Variants in UBAC2 observed in about 807,000 individuals in gnomAD.
The protein encoded by UBAC2 is ubiquitin-associated domain-containing protein 2.
Under a neutral mutation model 44.0 loss-of-function variants are expected in UBAC2, and 26 were observed. That is an observed-to-expected ratio of 0.59 (90% CI 0.43 to 0.82). The LOEUF (loss-of-function observed/expected upper bound fraction) is 0.82. Ranked by LOEUF, UBAC2 falls within the 40% of genes least tolerant of loss-of-function variation. UBAC2 has a pLI of 0.00. For synonymous variants in UBAC2, 155 were observed against 154.3 expected, an observed-to-expected ratio of 1.00 and a Z score of -0.04; for missense variants, 329 against 419.4, an observed-to-expected ratio of 0.78 and a Z score of 1.88.
intron 1 of UBAC2, among the ~76,000 whole-genome samples, chr13:99,232,420 A>ATATATATATTTT (rs1438082766): frequency 7.0e-6 from 1 of 142,622 alleles, no homozygotes; most frequent in African/African-American, 2.6e-5. Context: ...ATATATATAT[A>ATATATATATTTT]TTCACACACA....
chr13:99,225,521 T>A (rs1298596556), intron 1 of UBAC2, among the ~76,000 whole-genome samples: 1 of 152,266 alleles, frequency 6.6e-6, no homozygotes, highest in Admixed American at 6.5e-5. Context: ...TTCCATTATA[T>A]GTGTATGCCA....
intron 8 of UBAC2, among the ~76,000 whole-genome samples, chr13:99,369,106 G>T: frequency 6.6e-6 from 1 of 151,444 alleles, no homozygotes; most frequent in Non-Finnish European, 1.5e-5. Context: ...GGAAGGAAAT[G>T]CTTTTCCTAA....
At chr13:99,289,280 A>G (rs528466993) in intron 4 of UBAC2, among the ~76,000 whole-genome samples, 1 of 152,368 alleles carries the variant, frequency 6.6e-6, no homozygotes, top group Non-Finnish European at 1.5e-5. Flanking sequence ...TAGTCAAAGA[A>G]GGATTAAGGG....
At chr13:99,317,935 G>A in intron 5 of UBAC2, 87 bp from the exon 6 acceptor site, 1 of 1,027,696 alleles carries the variant, frequency 9.7e-7, no homozygotes, top group Non-Finnish European at 1.5e-6. Flanking sequence ...TTATATAAAT[G>A]GTCATGACTA....
chr13:99,329,848 C>T (rs1425839485), intron 6 of UBAC2, among the ~76,000 whole-genome samples: 1 of 152,226 alleles, frequency 6.6e-6, no homozygotes, highest in Non-Finnish European at 1.5e-5. Flanking sequence ...GTTACTCCCA[C>T]ATTCCTGCCC....
intron 4 of UBAC2, among the ~76,000 whole-genome samples, chr13:99,247,520 G>T (rs1052669451): frequency 2.1e-4 from 32 of 151,032 alleles, no homozygotes; most frequent in Admixed American, 5.3e-4. Flanking sequence ...GGCCTGTGTT[G>T]TTTTTTTTTA....
chr13:99,300,249 T>G (rs2044238988), intron 4 of UBAC2, among the ~76,000 whole-genome samples: 1 of 152,132 alleles, frequency 6.6e-6, no homozygotes, highest in Non-Finnish European at 1.5e-5. Flanking sequence ...GCACTGGAGG[T>G]GGCCAAAGAA....
At position 99,349,676 on chromosome 13, in the gene UBAC2, A is replaced by G. The variant is rs995749792; in HGVS notation, c.807+9111A>G. Among the ~76,000 whole-genome samples the G allele has an allele frequency of 1.1e-4, 16 of 152,340 alleles. No homozygotes were observed. The South Asian group carries it at 3.1e-3, about 30-fold the overall frequency. Reference sequence around the variant, plus strand: ...CATACGTCAGCGTTTTCTTCTATGCACTTATAAGAAAGATCAAAGACTTTA... The same window carrying G: ...CATACGTCAGCGTTTTCTTCTATGCGCTTATAAGAAAGATCAAAGACTTTA... On this transcript the variant is annotated intron_variant, in intron 7 of 8. Transcript: ENST00000403766.
At chr13:99,338,805 A>G (rs961775857) in intron 6 of UBAC2, among the ~76,000 whole-genome samples, 1 of 152,200 alleles carries the variant, frequency 6.6e-6, no homozygotes, top group Admixed American at 6.5e-5. Flanking sequence ...GTTCTGTCTT[A>G]CTTATCAGCT....
intron 4 of UBAC2, among the ~76,000 whole-genome samples, chr13:99,262,919 A>G (rs2043688892): frequency 6.6e-6 from 1 of 152,114 alleles, no homozygotes. Context: ...ATTTTTTATT[A>G]TATCTGCCAT....
intron 6 of UBAC2, among the ~76,000 whole-genome samples, chr13:99,322,312 A>G (rs573760069): frequency 1.3e-5 from 2 of 152,232 alleles, no homozygotes; most frequent in Non-Finnish European, 2.9e-5. Context: ...GTGGTTCTGC[A>G]GAGAGCTTTT....
intron 8 of UBAC2, among the ~76,000 whole-genome samples, chr13:99,371,010 C>A (rs945132473): frequency 6.6e-6 from 1 of 152,136 alleles, no homozygotes; most frequent in Non-Finnish European, 1.5e-5. Flanking sequence ...TTACTTGATA[C>A]AGCAGTGAGT....
chr13:99,238,357 CT>C, intron 1 of UBAC2, 69 bp from the exon 2 acceptor site: 5 of 1,546,460 alleles, frequency 3.2e-6, no homozygotes, highest in Non-Finnish European at 2.6e-6. Context: ...AATTCTCTTG[CT>C]TTTCACGCAT....
At chr13:99,256,560 A>G (rs1057056107) in intron 4 of UBAC2, 1 of 152,164 alleles carries the variant, frequency 6.6e-6, no homozygotes, top group South Asian at 2.1e-4. Context: ...TCATATCCTC[A>G]TTCCATCTAG....
intron 4 of UBAC2, among the ~76,000 whole-genome samples, chr13:99,290,485 G>A: frequency 6.6e-6 from 1 of 152,082 alleles, no homozygotes; most frequent in East Asian, 1.9e-4. Flanking sequence ...CAGCACTTTG[G>A]GAGGCCGAGG....
chr13:99,349,328 T>C (rs1042460914), intron 7 of UBAC2, among the ~76,000 whole-genome samples: 1 of 152,210 alleles, frequency 6.6e-6, no homozygotes, highest in Non-Finnish European at 1.5e-5. Flanking sequence ...CCTTGGAATC[T>C]CCACAGTGAG....
chr13:99,273,398 G>T (rs2043842494), intron 4 of UBAC2, among the ~76,000 whole-genome samples: 2 of 152,130 alleles, frequency 1.3e-5, no homozygotes, highest in Admixed American at 1.3e-4. Flanking sequence ...ATCCACTCCT[G>T]TTTGGTGAGG....
chr13:99,312,476 C>T (rs1417459732), intron 4 of UBAC2, among the ~76,000 whole-genome samples: 7 of 152,172 alleles, frequency 4.6e-5, no homozygotes, highest in Non-Finnish European at 8.8e-5. Flanking sequence ...GTAAGATTTC[C>T]GTCCTGTGAT....
chr13:99,257,756 A>G (rs1404183019), intron 4 of UBAC2, among the ~76,000 whole-genome samples: 1 of 152,238 alleles, frequency 6.6e-6, no homozygotes, highest in Non-Finnish European at 1.5e-5. Flanking sequence ...AAAACATGTG[A>G]TGAACATTCC....
Sources: gnomAD v4.1 joint callset for allele counts (sites outside exome capture counted in the v4.1 genomes callset) on GRCh38, gnomAD v4.1.1 for gene constraint, MANE v1.5 for transcripts, NCBI Gene and HGNC (gene_info 2026-07-23, HGNC 2026-07-21) for gene names.